Variants in CALCR observed in about 807,000 individuals in gnomAD.
The protein encoded by CALCR is calcitonin receptor.
In CALCR, 47 loss-of-function variants were observed where a neutral mutation model predicts 59.5. The ratio of observed to expected loss-of-function variants is 0.79; its 90% confidence interval spans 0.63 to 1.01. CALCR has a LOEUF of 1.01. Among genes scored for constraint, CALCR ranks in the 50% least tolerant of loss-of-function variants. CALCR has a pLI of 0.00. For missense variants in CALCR, 566 were observed against 597.1 expected (o/e 0.95, Z 0.54); for synonymous variants, 213 against 211.3 (o/e 1.01, Z -0.07).
At chr7:93,561,910 G>GTAGT (rs1164936222) in intron 2 of CALCR, among the ~76,000 whole-genome samples, 2 of 150,826 alleles carry the variant, frequency 1.3e-5, no homozygotes, top group African/African-American at 4.9e-5. Context: ...CGTGAGCTCT[G>GTAGT]TAGTTAGGTA....
In CALCR at chr7:93,568,509, TTCTCTCTCTCTC is replaced by T. The variant is rs4015269; in HGVS notation, c.-27+5768_-27+5779del. Among the ~76,000 whole-genome samples, 872 of 102,374 alleles carry T rather than the reference TTCTCTCTCTCTC, an allele frequency of 8.5e-3. 7 individuals carry two copies. Among genetic ancestry groups the T allele is most frequent in the African/African-American group, 0.021 (536 of 25,080 alleles). The allele number at this position is 102,374 out of a possible 152,430, so 67.2% of individuals were successfully genotyped here. A position where few individuals can be genotyped will look rare whatever the true frequency, so the allele number is the denominator to read the frequency against. ...CCTCCCTGGTTTCCATAAAATTACT[TTCTCTCTCTCTC>T]TCTCTCTCTCTCTCTCTCTCTCTCT... On this transcript the variant is annotated intron_variant, in intron 2 of 13. Transcript: ENST00000426151.
intron 2 of CALCR, among the ~76,000 whole-genome samples, chr7:93,551,963 C>T (rs899569927): frequency 1.3e-5 from 2 of 152,096 alleles, no homozygotes; most frequent in Non-Finnish European, 2.9e-5. Flanking sequence ...ATAAAAAGAA[C>T]AGGACATTAT....
chr7:93,443,771 A>G lies in CALCR; in HGVS notation c.649-14T>C, dbSNP rs1188867620. ...CTTGCAGCTCACCTGTCAGAAAGAA[A>G]GGAAGATACTCAGAGAAAGACACAG... On this transcript the variant is annotated splice_polypyrimidine_tract_variant and intron_variant, in intron 8 of 13. Coordinates refer to ENST00000426151, the MANE Select transcript of CALCR (RefSeq NM_001742.4). 1.2e-6 allele frequency: 2 copies of G among 1,610,700 alleles called. No homozygotes were observed. Among genetic ancestry groups the G allele is most frequent in the Non-Finnish European group, 1.7e-6 (2 of 1,177,720 alleles).
intron 6 of CALCR, among the ~76,000 whole-genome samples, chr7:93,471,145 T>G (rs1322861834): frequency 1.3e-5 from 2 of 151,790 alleles, no homozygotes; most frequent in African/African-American, 4.8e-5. Context: ...ATGTGGCCAG[T>G]GTACGTGAGA....
chr7:93,449,809 A>G (rs897237661), intron 8 of CALCR, among the ~76,000 whole-genome samples: 3 of 152,038 alleles, frequency 2.0e-5, no homozygotes, highest in African/African-American at 7.2e-5. Context: ...TAGAAAACTT[A>G]CAATGCTGGA....
rs1207645847 is a variant in CALCR at position 93,438,117 on chromosome 7, C to T, written c.873G>A (p.Leu291=). The T allele has an allele frequency of 3.7e-6, 6 of 1,613,828 alleles. No individual in the cohort carries two copies. In the African/African-American group the frequency reaches 8.0e-5, roughly 22 times the overall value. Residue 291 remains leucine, a synonymous_variant, in exon 11 of 14, where the codon CTG becomes CTA. Transcript: ENST00000426151. ...RAVYFNDNCW[L]SVETHLLYII... ...TGTAAAGCAAATGGGTTTCCACACT[C>T]AGCCAGCAGCTGAAAAAGGGCAAGG...
chr7:93,434,353 T>C, intron 12 of CALCR, 59 bp from the exon 13 acceptor site: 1 of 1,135,024 alleles, frequency 8.8e-7, no homozygotes, highest in Non-Finnish European at 1.3e-6. Context: ...TGTTGTTTAG[T>C]AAACAATATA....
At chr7:93,459,039 T>C (rs1174883404) in intron 8 of CALCR, among the ~76,000 whole-genome samples, 1 of 152,116 alleles carries the variant, frequency 6.6e-6, no homozygotes, top group Non-Finnish European at 1.5e-5. Context: ...TTGGGGACTT[T>C]TTGGGATGAA....
rs551476656 is a variant in CALCR, at chr7:93,511,402, A to G, written c.-26-24395T>C. ...TTCCTTAAAAACAATTAAGTAATATATAATTTAGTAAATTGTTATGTGGGA... is the reference window on the plus strand; with the variant it reads ...TTCCTTAAAAACAATTAAGTAATATGTAATTTAGTAAATTGTTATGTGGGA... On this transcript the variant is annotated intron_variant, in intron 2 of 13. Transcript: ENST00000426151. Among the ~76,000 whole-genome samples the G allele has an allele frequency of 4.6e-4, 70 of 152,288 alleles. 1 individual carries two copies. The highest frequency in any genetic ancestry group is 1.6e-3 in the African/African-American group (67 of 41,582).
At chr7:93,473,590 C>CCT (rs1562987826) in intron 5 of CALCR, among the ~76,000 whole-genome samples, 1 of 123,934 alleles carries the variant, frequency 8.1e-6, no homozygotes, top group Admixed American at 8.5e-5. Flanking sequence ...GCCCCCCCCC[C>CCT]TTTTTTTTTT....
intron 2 of CALCR, among the ~76,000 whole-genome samples, chr7:93,506,166 T>C (rs972119079): frequency 2.0e-5 from 3 of 152,162 alleles, no homozygotes; most frequent in African/African-American, 7.2e-5. Flanking sequence ...TCCTTAGTTT[T>C]CTTGGTATGA....
chr7:93,448,543 A>C (rs1362067862), intron 8 of CALCR, among the ~76,000 whole-genome samples: 2 of 151,952 alleles, frequency 1.3e-5, no homozygotes, highest in Admixed American at 1.3e-4. Context: ...GCAATCAAAG[A>C]AGTTACCTTC....
chr7:93,499,939 A>T (rs1311822803), intron 2 of CALCR, among the ~76,000 whole-genome samples: 2 of 151,920 alleles, frequency 1.3e-5, no homozygotes, highest in Non-Finnish European at 2.9e-5. Context: ...ACAAAATATC[A>T]TCTTGTCCTT....
chr7:93,499,995 T>A (rs960766914), intron 2 of CALCR, among the ~76,000 whole-genome samples: 1 of 151,872 alleles, frequency 6.6e-6, no homozygotes, highest in Non-Finnish European at 1.5e-5. Flanking sequence ...AAAGTACAAC[T>A]GATTTTATTA....
chr7:93,443,440 C>T (rs1195776075), intron 9 of CALCR, among the ~76,000 whole-genome samples, 164 bp downstream of exon 9: 1 of 152,048 alleles, frequency 6.6e-6, no homozygotes, highest in Non-Finnish European at 1.5e-5. Flanking sequence ...TAAAGGGCTT[C>T]CACAGGTCTT....
At chr7:93,435,781 G>C (rs113786213) in intron 12 of CALCR, among the ~76,000 whole-genome samples, 171 bp downstream of exon 12, 1 of 149,150 alleles carries the variant, frequency 6.7e-6, no homozygotes, top group East Asian at 2.0e-4. Flanking sequence ...ACTCCAGCCT[G>C]GTGGACAGAG....
rs564912579 is a variant in CALCR at position 93,532,643 on chromosome 7, C to T, written c.-27+41646G>A. ...CTTTATATCAGACACTGGAATGGTT[C>T]CCTAAATTAGAAGAGACTTACTAAC... On this transcript the variant is annotated intron_variant, in intron 2 of 13. Transcript: ENST00000426151. 3.4e-4 allele frequency among the ~76,000 whole-genome samples: 51 copies of T among 151,828 alleles called. No individual in the cohort carries two copies. In the South Asian group the frequency reaches 8.9e-3, roughly 27 times the overall value.
chr7:93,473,644 A>G (rs1800605093), intron 5 of CALCR, among the ~76,000 whole-genome samples: 1 of 142,792 alleles, frequency 7.0e-6, no homozygotes. Flanking sequence ...AAAGCCTGAC[A>G]TCTTACTATC....
chr7:93,490,776 A>G (rs1022625942), intron 2 of CALCR, among the ~76,000 whole-genome samples: 2 of 152,064 alleles, frequency 1.3e-5, no homozygotes, highest in Non-Finnish European at 2.9e-5. Context: ...CAAATGGAAG[A>G]ACATTCCATC....
Sources: gnomAD v4.1 joint callset for allele counts (sites outside exome capture counted in the v4.1 genomes callset) on GRCh38, gnomAD v4.1.1 for gene constraint, MANE v1.5 for transcripts, NCBI Gene and HGNC (gene_info 2026-07-23, HGNC 2026-07-21) for gene names.